CD80: variants seen among roughly 807,000 people sequenced by gnomAD.
The protein encoded by CD80 is CD80 molecule.
In CD80, 13 loss-of-function variants were observed where a neutral mutation model predicts 27.1. The ratio of observed to expected loss-of-function variants is 0.48; its 90% CI spans 0.31 to 0.76. The LOEUF is 0.76. CD80 is among the 30% of genes least tolerant of loss of function. The pLI is 0.04. For synonymous variants in CD80, 125 were observed against 125.5 expected, an observed-to-expected ratio of 1.00 and a Z score of 0.03; for missense variants, 277 against 347.9, an observed-to-expected ratio of 0.80 and a Z score of 1.62.
intron 6 of CD80, 68 bp downstream of exon 6, chr3:119,527,665 T>C (rs1255250238): frequency 5.4e-6 from 5 of 918,442 alleles, no homozygotes; most frequent in Non-Finnish European, 8.7e-6. Flanking sequence ...ACAGCTTAAA[T>C]TTGTTAAGGG....
rs1054800951 is a variant in CD80, at chr3:119,525,309, G to C, written c.*479C>G. On this transcript the variant is annotated 3_prime_UTR_variant, in exon 7 of 7. Coordinates refer to ENST00000264246, the MANE Select transcript of CD80 (RefSeq NM_005191.4). ...CATAAAATCTTCTACTCTGACATTA[G>C]GAAATCAGATAGTCTCTGAAGTTGA... 6.6e-6 allele frequency: 1 copy of C among 152,158 alleles called. No homozygotes were observed. Among genetic ancestry groups the C allele is most frequent in the African/African-American group, 2.4e-5 (1 of 41,412 alleles). The allele number at this position is 152,158 out of a possible 1,614,324, so 9.4% of individuals were successfully genotyped here.
At chr3:119,545,060 C>G (rs898099513) in intron 2 of CD80, among the ~76,000 whole-genome samples, 193 bp from the exon 3 acceptor site, 1 of 152,080 alleles carries the variant, frequency 6.6e-6, no homozygotes, top group African/African-American at 2.4e-5. Flanking sequence ...AAAAACACAA[C>G]AGGCTGGGCG....
intron 2 of CD80, among the ~76,000 whole-genome samples, chr3:119,552,882 A>G (rs2082241790): frequency 6.6e-6 from 1 of 152,126 alleles, no homozygotes; most frequent in African/African-American, 2.4e-5. Flanking sequence ...AAAAAGGAAG[A>G]GAAAAGAAAT....
At chr3:119,528,110 A>G (rs1375400981) in intron 5 of CD80, among the ~76,000 whole-genome samples, 1 of 152,190 alleles carries the variant, frequency 6.6e-6, no homozygotes, top group African/African-American at 2.4e-5. Context: ...AACATCCTAC[A>G]GTGCACAGAA....
intron 1 of CD80, among the ~76,000 whole-genome samples, chr3:119,559,087 A>G (rs1360896314): frequency 6.6e-6 from 1 of 152,230 alleles, no homozygotes; most frequent in Non-Finnish European, 1.5e-5. Flanking sequence ...CACAGGCTAG[A>G]GTGCAGTGGC....
intron 2 of CD80, among the ~76,000 whole-genome samples, chr3:119,554,288 TTTCTCCTAGCTCTGAG>T (rs1165801811): frequency 6.6e-6 from 1 of 152,104 alleles, no homozygotes; most frequent in Non-Finnish European, 1.5e-5. Flanking sequence ...GGTATTCTCT[TTTCTCCTAGCTCTGAG>T]TTCTCAGACT....
intron 3 of CD80, among the ~76,000 whole-genome samples, chr3:119,541,121 A>G (rs2082166395): frequency 6.6e-6 from 1 of 152,050 alleles, no homozygotes; most frequent in African/African-American, 2.4e-5. Context: ...CTTTTTTCTA[A>G]GGTGATCTGT....
Position 119,540,589 on chromosome 3 carries a change from A to G in CD80, c.419-3171T>C, listed in dbSNP as rs2082162496. 2.0e-5 allele frequency among the ~76,000 whole-genome samples: 3 copies of G among 152,234 alleles called. No homozygotes were observed. In the South Asian group the frequency reaches 6.2e-4, roughly 31 times the overall value. ...ATGACACAGGCAGCTGATATCTAGA[A>G]TATTCTGTGTTTCTTATAACATCAA... is the stretch of plus-strand genomic sequence containing the variant. On this transcript the variant is annotated intron_variant, in intron 3 of 6. Coordinates refer to ENST00000264246, the MANE Select transcript of CD80 (RefSeq NM_005191.4).
intron 4 of CD80, 144 bp from the exon 5 acceptor site, chr3:119,530,081 T>C: frequency 1.7e-6 from 1 of 589,670 alleles, no homozygotes; most frequent in Non-Finnish European, 3.0e-6. Context: ...TTTTCTTGCA[T>C]AATTCTTCAA....
At chr3:119,529,467 G>A (rs1055655451) in intron 5 of CD80, among the ~76,000 whole-genome samples, 2 of 151,990 alleles carry the variant, frequency 1.3e-5, no homozygotes, top group African/African-American at 4.8e-5. Context: ...AAATCGACTA[G>A]CCCTTAAAAA....
intron 5 of CD80, 99 bp downstream of exon 5, chr3:119,529,743 A>T: frequency 1.3e-6 from 1 of 769,856 alleles, no homozygotes; most frequent in Non-Finnish European, 2.2e-6. Context: ...TGTAAACATG[A>T]GAAGCGAATA....
intron 4 of CD80, among the ~76,000 whole-genome samples, chr3:119,532,722 C>A (rs1323907968): frequency 3.9e-5 from 6 of 152,130 alleles, no homozygotes; most frequent in Admixed American, 2.6e-4. Flanking sequence ...ATTTTCTGTT[C>A]TATATTCAGA....
intron 2 of CD80, among the ~76,000 whole-genome samples, chr3:119,545,732 A>AC (rs2082199015): frequency 1.3e-5 from 2 of 151,048 alleles, no homozygotes; most frequent in African/African-American, 4.9e-5. Context: ...ATAATATTAC[A>AC]CACACACCCC....
chr3:119,536,705 A>G (rs1416976377), intron 4 of CD80, among the ~76,000 whole-genome samples: 2 of 152,254 alleles, frequency 1.3e-5, no homozygotes, highest in African/African-American at 4.8e-5. Context: ...ATAAAACACT[A>G]TCAAAATAAA....
intron 2 of CD80, among the ~76,000 whole-genome samples, chr3:119,556,960 G>T (rs2082267790): frequency 6.6e-6 from 1 of 152,102 alleles, no homozygotes; most frequent in African/African-American, 2.4e-5. Flanking sequence ...GCCTCTAGAA[G>T]TCAAATTATT....
chr3:119,534,386 A>G (rs1452094939), intron 4 of CD80, among the ~76,000 whole-genome samples: 1 of 148,668 alleles, frequency 6.7e-6, no homozygotes, highest in East Asian at 1.9e-4. Flanking sequence ...AAAAAAAAAA[A>G]GAAAAAGAAA....
Position 119,527,533 on chromosome 3 carries a change from G to A in CD80, c.*38+200C>T, listed in dbSNP as rs958267912. 2.3e-5 allele frequency: 11 copies of A among 473,328 alleles called. No homozygotes were observed. The South Asian group carries it at 5.3e-4, about 23-fold the overall frequency. The allele number at this position is 473,328 out of a possible 1,614,324, so 29.3% of individuals were successfully genotyped here. On this transcript the variant is annotated intron_variant, in intron 6 of 6. Coordinates refer to ENST00000264246, the MANE Select transcript of CD80 (RefSeq NM_005191.4). ...TTCAAGATGGCAGAATGGAAACATG[G>A]CAAAAGAAGAGGTTACATTAAGCAA...
chr3:119,529,672 A>G (rs1215749340), intron 5 of CD80, among the ~76,000 whole-genome samples, 170 bp downstream of exon 5: 1 of 152,192 alleles, frequency 6.6e-6, no homozygotes, highest in Non-Finnish European at 1.5e-5. Context: ...GAAAATGTCC[A>G]GTGAATGAAC....
At chr3:119,536,829 A>G (rs1056118996) in intron 4 of CD80, among the ~76,000 whole-genome samples, 4 of 152,208 alleles carry the variant, frequency 2.6e-5, no homozygotes, top group Admixed American at 2.0e-4. Flanking sequence ...CCGTATTTTT[A>G]CTGTACCTTT....
Sources: allele counts gnomAD v4.1 joint callset (sites outside exome capture counted in the v4.1 genomes callset), GRCh38; gene constraint gnomAD v4.1.1; transcripts MANE v1.5; gene names NCBI Gene and HGNC (gene_info 2026-07-23, HGNC 2026-07-21).